The following ADGRA3 variants were observed in gnomAD, a reference collection of about 807,000 sequenced individuals.
The protein encoded by ADGRA3 is adhesion G protein-coupled receptor A3.
A neutral mutation model predicts 119.8 loss-of-function variants in ADGRA3; 56 were observed. That is an observed-to-expected ratio of 0.47 (90% CI 0.38 to 0.58). The LOEUF is 0.58. Ranked by LOEUF, ADGRA3 falls within the 20% of genes least tolerant of loss-of-function variation. The pLI is 0.00. For missense variants in ADGRA3, 1,516 were observed against 1,649.0 expected, an observed-to-expected ratio of 0.92 and a Z score of 1.40; for synonymous variants, 607 against 623.8, an observed-to-expected ratio of 0.97 and a Z score of 0.40.
At chr4:22,456,817 G>A (rs1717256953) in intron 3 of ADGRA3, among the ~76,000 whole-genome samples, 1 of 152,098 alleles carries the variant, frequency 6.6e-6, no homozygotes, top group South Asian at 2.1e-4. Context: ...TCATAGTTCT[G>A]CCTTCCCTCT....
chr4:22,471,574 A>G (rs780870587), intron 2 of ADGRA3, among the ~76,000 whole-genome samples: 1 of 152,102 alleles, frequency 6.6e-6, no homozygotes, highest in Non-Finnish European at 1.5e-5. Flanking sequence ...CCCGCCACAC[A>G]CTGTCAGACT....
intron 1 of ADGRA3, 84 bp from the exon 2 acceptor site, chr4:22,473,927 G>A: frequency 1.3e-6 from 1 of 771,878 alleles, no homozygotes; most frequent in South Asian, 2.4e-5. Context: ...TTAAACCTAT[G>A]AGAAATTCTA....
At chr4:22,497,336 C>A (rs6816964) in intron 1 of ADGRA3, among the ~76,000 whole-genome samples, 1,662 of 151,746 alleles carry the variant, frequency 0.011, 19 homozygotes, top group East Asian at 0.065. Context: ...TATACACAGT[C>A]ATCAAGGACA....
At chr4:22,469,234 T>C (rs1577367231) in intron 2 of ADGRA3, among the ~76,000 whole-genome samples, 1 of 152,170 alleles carries the variant, frequency 6.6e-6, no homozygotes, top group South Asian at 2.1e-4. Flanking sequence ...CCCCTCCTAA[T>C]TGGTTTTGCT....
At chr4:22,428,285 C>T (rs2109048228) in intron 10 of ADGRA3, among the ~76,000 whole-genome samples, 1 of 151,522 alleles carries the variant, frequency 6.6e-6, no homozygotes, top group Admixed American at 6.6e-5. Flanking sequence ...TCAGTTTACT[C>T]ATTTGTAAAA....
intron 1 of ADGRA3, among the ~76,000 whole-genome samples, chr4:22,513,870 A>AAAAAAAAAAAAAAAAAAAAAC (rs1560356106): frequency 1.0e-5 from 1 of 95,612 alleles, no homozygotes; most frequent in African/African-American, 3.9e-5. Flanking sequence ...AAAAAAAAAA[A>AAAAAAAAAAAAAAAAAAAAAC]AAAACTGGAT....
intron 1 of ADGRA3, among the ~76,000 whole-genome samples, chr4:22,514,213 T>C (rs535792687): frequency 2.6e-5 from 4 of 151,956 alleles, no homozygotes; most frequent in African/African-American, 9.7e-5. Context: ...ATTTGGACTG[T>C]AATTAAAGTC....
intron 1 of ADGRA3, among the ~76,000 whole-genome samples, chr4:22,499,961 AT>A (rs1466482674): frequency 6.6e-6 from 1 of 152,160 alleles, no homozygotes; most frequent in Non-Finnish European, 1.5e-5. Context: ...GAATATTTGC[AT>A]TATACTTACA....
intron 16 of ADGRA3, chr4:22,397,885 G>A (rs186528505): frequency 2.2e-3 from 368 of 167,114 alleles, no homozygotes; most frequent in Non-Finnish European, 3.1e-3. Flanking sequence ...ACCCAGTCTC[G>A]GGTATGTCTT....
intron 1 of ADGRA3, among the ~76,000 whole-genome samples, chr4:22,510,009 C>A (rs1284333820): frequency 5.7e-3 from 564 of 98,664 alleles, no homozygotes; most frequent in South Asian, 0.015. Context: ...GACTCCGTCT[C>A]AAAAAAAAAA....
rs750902037 is a variant in ADGRA3 at position 22,435,308 on chromosome 4, T to A, written c.1443+3A>T. 9.3e-6 allele frequency: 15 copies of A among 1,609,388 alleles called. No homozygotes were observed. The Admixed American group carries it at 2.5e-4, about 27-fold the overall frequency. ...TGCTACAAATCTGAATTTAGAGAAG[T>A]ACCTCTTTTGATTTTTCCTCCTTGG... On this transcript the variant is annotated splice_donor_region_variant and intron_variant, in intron 10 of 18. Coordinates refer to ENST00000334304, the MANE Select transcript of ADGRA3 (RefSeq NM_145290.4).
chr4:22,453,689 A>T (rs1479480598), intron 4 of ADGRA3, among the ~76,000 whole-genome samples: 2 of 152,224 alleles, frequency 1.3e-5, no homozygotes, highest in African/African-American at 4.8e-5. Context: ...TGTCTCTAAA[A>T]CATGATTTCA....
At chr4:22,447,787 G>C (rs1336219293) in intron 4 of ADGRA3, among the ~76,000 whole-genome samples, 1 of 151,902 alleles carries the variant, frequency 6.6e-6, no homozygotes, top group Non-Finnish European at 1.5e-5. Context: ...GAACCTAAAA[G>C]GTACCCTAAC....
chr4:22,482,063 T>C (rs1227755985), intron 1 of ADGRA3, among the ~76,000 whole-genome samples: 2 of 152,200 alleles, frequency 1.3e-5, no homozygotes, highest in Admixed American at 6.5e-5. Context: ...ATTGGATGCA[T>C]TGACTCATTC....
At chr4:22,475,152 GT>G (rs1189107313) in intron 1 of ADGRA3, among the ~76,000 whole-genome samples, 1 of 152,240 alleles carries the variant, frequency 6.6e-6, no homozygotes, top group African/African-American at 2.4e-5. Context: ...TCCCTTTCAA[GT>G]TATGTTGACT....
chr4:22,512,674 G>T (rs1318405025), intron 1 of ADGRA3, among the ~76,000 whole-genome samples: 4 of 152,130 alleles, frequency 2.6e-5, no homozygotes, highest in Non-Finnish European at 5.9e-5. Context: ...AAGTGATGCT[G>T]CCCCAAGCCA....
intron 4 of ADGRA3, among the ~76,000 whole-genome samples, chr4:22,453,661 C>A (rs563556051): frequency 6.6e-6 from 1 of 152,182 alleles, no homozygotes; most frequent in Non-Finnish European, 1.5e-5. Flanking sequence ...TCATGCGGAA[C>A]CCTATTCCCA....
intron 3 of ADGRA3, among the ~76,000 whole-genome samples, chr4:22,461,220 A>G (rs1717438271): frequency 6.6e-6 from 1 of 152,256 alleles, no homozygotes; most frequent in South Asian, 2.1e-4. Context: ...TTAGTAGCAT[A>G]AGAGTAACAC....
At chr4:22,402,316 G>T (rs1477625295) in intron 15 of ADGRA3, among the ~76,000 whole-genome samples, 1 of 152,060 alleles carries the variant, frequency 6.6e-6, no homozygotes, top group African/African-American at 2.4e-5. Context: ...TAATAGTACA[G>T]TCTGATACTT....
Sources: allele counts gnomAD v4.1 joint callset (sites outside exome capture counted in the v4.1 genomes callset), GRCh38; gene constraint gnomAD v4.1.1; transcripts MANE v1.5; gene names NCBI Gene and HGNC (gene_info 2026-07-23, HGNC 2026-07-21).